DOCK4: variants seen among roughly 807,000 people sequenced by gnomAD.
The protein encoded by DOCK4 is dedicator of cytokinesis protein 4.
DOCK4 carries 97 observed loss-of-function variants against 268.1 expected under a neutral mutation model. The ratio of observed to expected loss-of-function variants is 0.36; its 90% confidence interval spans 0.31 to 0.43. The LOEUF is 0.43. Among genes scored for constraint, DOCK4 ranks in the 20% least tolerant of loss-of-function variants. DOCK4 has a pLI of 1.00. For missense variants in DOCK4, 2,145 were observed against 2,455.7 expected (o/e 0.87, Z 2.67); for synonymous variants, 954 against 887.2 (o/e 1.08, Z -1.34).
At chr7:112,187,841 CA>C (rs1238426656) in intron 1 of DOCK4, among the ~76,000 whole-genome samples, 1 of 151,714 alleles carries the variant, frequency 6.6e-6, no homozygotes, top group Admixed American at 6.6e-5. Flanking sequence ...CAGCTAAGTG[CA>C]ATATTATATT....
Position 111,822,438 on chromosome 7 carries a change from A to T in DOCK4, c.2854T>A (p.Phe952Ile). 1 of 1,613,100 alleles carries T rather than the reference A, an allele frequency of 6.2e-7. No individual in the cohort carries two copies. Among genetic ancestry groups the T allele is most frequent in the Non-Finnish European group, 8.5e-7 (1 of 1,179,534 alleles). Residue 952 changes from phenylalanine (F) to isoleucine (I), a missense_variant, in exon 27 of 53, where the codon TTT becomes ATT. Phe to Ile is a conservative substitution (Grantham distance 21). Around this residue, in one of 2 missense-constraint regions of DOCK4, gnomAD observed 1,598 missense variants for 1,986.7 expected, o/e 0.80. Coordinates refer to ENST00000428084, the MANE Select transcript of DOCK4 (RefSeq NM_001363540.2). ...CGTATCAATATTCGGAACACAGTAA[A>T]TATCTGCAGCAGGAAATCCTTGGAT... ...EELRDFLLQI[F>I]TVFRILIRPE...
intron 16 of DOCK4, among the ~76,000 whole-genome samples, chr7:111,891,589 T>C (rs1410858989): frequency 6.6e-6 from 1 of 152,186 alleles, no homozygotes; most frequent in Non-Finnish European, 1.5e-5. Flanking sequence ...CTTATTATCT[T>C]CTTCCAAAAA....
At chr7:111,909,026 A>G (rs1193304699) in intron 13 of DOCK4, among the ~76,000 whole-genome samples, 1 of 152,206 alleles carries the variant, frequency 6.6e-6, no homozygotes, top group African/African-American at 2.4e-5. Flanking sequence ...TTGGGTATAT[A>G]CCCATTAATA....
At chr7:112,126,326 C>A (rs1238816451) in intron 1 of DOCK4, among the ~76,000 whole-genome samples, 1 of 152,140 alleles carries the variant, frequency 6.6e-6, no homozygotes, top group Non-Finnish European at 1.5e-5. Flanking sequence ...TGGGTATTAT[C>A]ATCTCCACAT....
chr7:111,782,130 T>C (rs1007477796), intron 35 of DOCK4, among the ~76,000 whole-genome samples: 1 of 152,232 alleles, frequency 6.6e-6, no homozygotes, highest in African/African-American at 2.4e-5. Flanking sequence ...CATTAAAATA[T>C]GACAAATAAA....
intron 47 of DOCK4, among the ~76,000 whole-genome samples, chr7:111,740,575 A>G (rs1238090978): frequency 6.6e-6 from 1 of 150,806 alleles, no homozygotes; most frequent in Admixed American, 6.6e-5. Flanking sequence ...TCTACTAAAA[A>G]TACAAAAATT....
At chr7:111,960,361 C>CT (rs1796772923) in intron 8 of DOCK4, among the ~76,000 whole-genome samples, 1 of 133,308 alleles carries the variant, frequency 7.5e-6, no homozygotes, top group East Asian at 2.1e-4. Flanking sequence ...GAGGCTCTGT[C>CT]TTAAAAAAAA....
chr7:111,871,410 C>T (rs1173659685), intron 20 of DOCK4, among the ~76,000 whole-genome samples: 2 of 152,190 alleles, frequency 1.3e-5, no homozygotes, highest in Non-Finnish European at 2.9e-5. Flanking sequence ...TTCAGCACCA[C>T]CTGAGCCAGT....
At chr7:111,793,818 C>T (rs999923641) in intron 30 of DOCK4, among the ~76,000 whole-genome samples, 1 of 152,080 alleles carries the variant, frequency 6.6e-6, no homozygotes, top group African/African-American at 2.4e-5. Context: ...GAGTTCAAGA[C>T]CAGCCTGGGC....
At chr7:111,759,179 G>T (rs917209221) in intron 40 of DOCK4, among the ~76,000 whole-genome samples, 2 of 152,120 alleles carry the variant, frequency 1.3e-5, no homozygotes, top group African/African-American at 4.8e-5. Flanking sequence ...GTCTGTGCAT[G>T]ACACATTTAA....
At position 112,003,494 on chromosome 7, in the gene DOCK4, A is replaced by G. The variant is rs537799959; in HGVS notation, c.121+554T>C. Among the ~76,000 whole-genome samples, 3 of 152,374 alleles carry G rather than the reference A, an allele frequency of 2.0e-5. No individual in the cohort carries two copies. The East Asian group carries it at 5.8e-4, about 29-fold the overall frequency. On this transcript the variant is annotated intron_variant, in intron 2 of 52. Coordinates refer to ENST00000428084, the MANE Select transcript of DOCK4 (RefSeq NM_001363540.2). Reference sequence around the variant, plus strand: ...ACAGGAATGGAAACATTTGAGAACCATTAGCTATCTTAAATGAGTTGCCTA... The same window carrying G: ...ACAGGAATGGAAACATTTGAGAACCGTTAGCTATCTTAAATGAGTTGCCTA...
intron 1 of DOCK4, among the ~76,000 whole-genome samples, chr7:112,138,783 G>T (rs1238788532): frequency 6.6e-6 from 1 of 152,108 alleles, no homozygotes; most frequent in Non-Finnish European, 1.5e-5. Context: ...CCTGAGGGTG[G>T]GGCCCCGTTA....
chr7:111,759,845 A>C (rs1797264931), intron 40 of DOCK4, among the ~76,000 whole-genome samples: 1 of 151,766 alleles, frequency 6.6e-6, no homozygotes, highest in Non-Finnish European at 1.5e-5. Context: ...ATTTTCTTGA[A>C]CTTAAGCAGT....
chr7:111,769,005 A>G (rs1797945284), intron 37 of DOCK4, among the ~76,000 whole-genome samples: 1 of 152,196 alleles, frequency 6.6e-6, no homozygotes. Context: ...GAGGCCCCAG[A>G]GAGTTAGCCA....
intron 1 of DOCK4, among the ~76,000 whole-genome samples, chr7:112,116,780 T>C (rs1346601372): frequency 6.6e-6 from 1 of 152,198 alleles, no homozygotes; most frequent in Non-Finnish European, 1.5e-5. Flanking sequence ...TTCTCTTTTT[T>C]GTAGAGTCGG....
chr7:111,755,621 T>TTAAG lies in DOCK4; in HGVS notation c.4330-24_4330-21dup. 1 of 1,611,516 alleles carries TTAAG rather than the reference T, an allele frequency of 6.2e-7. No individual in the cohort carries two copies. The highest frequency in any genetic ancestry group is 8.5e-7 in the Non-Finnish European group (1 of 1,177,894). ...GAGACTCTACAAAACACAAAACACATTAAGTCTCCCAAGTTGCCCTTCTTT... is the reference window on the plus strand; with the variant it reads ...GAGACTCTACAAAACACAAAACACATTAAGTAAGTCTCCCAAGTTGCCCTTCTTT... On this transcript the variant is annotated intron_variant, in intron 41 of 52. Coordinates refer to ENST00000428084, the MANE Select transcript of DOCK4 (RefSeq NM_001363540.2).
At chr7:112,201,269 T>C (rs1400734813) in intron 1 of DOCK4, among the ~76,000 whole-genome samples, 3 of 152,184 alleles carry the variant, frequency 2.0e-5, no homozygotes, top group Non-Finnish European at 4.4e-5. Flanking sequence ...AGGAACATGA[T>C]TCCTACCCAG....
chr7:111,927,251 A>G (rs1793795149), intron 12 of DOCK4, among the ~76,000 whole-genome samples: 1 of 152,188 alleles, frequency 6.6e-6, no homozygotes, highest in African/African-American at 2.4e-5. Flanking sequence ...TGGTTTGCAG[A>G]TCTGCTAGTT....
chr7:111,792,432 G>C (rs997377712), intron 30 of DOCK4, among the ~76,000 whole-genome samples: 3 of 152,124 alleles, frequency 2.0e-5, no homozygotes, highest in Non-Finnish European at 4.4e-5. Flanking sequence ...GCCCAGGCTG[G>C]AGTGCAATGG....
Sources: allele counts gnomAD v4.1 joint callset (sites outside exome capture counted in the v4.1 genomes callset), GRCh38; gene constraint gnomAD v4.1.1; regional missense constraint gnomAD v4.1.1; transcripts MANE v1.5; gene names NCBI Gene and HGNC (gene_info 2026-07-23, HGNC 2026-07-21).